HS3ST4: variants seen among roughly 807,000 people sequenced by gnomAD.
The protein encoded by HS3ST4 is heparan sulfate-glucosamine 3-sulfotransferase 4.
HS3ST4 carries 17 observed loss-of-function variants against 29.2 expected under a neutral mutation model. That is an observed-to-expected ratio of 0.58 (90% CI 0.40 to 0.87). HS3ST4 has a LOEUF of 0.87. Ranked by LOEUF, HS3ST4 falls within the 40% of genes least tolerant of loss-of-function variation. The pLI, the probability that HS3ST4 is intolerant of heterozygous loss-of-function variation, is 0.00. For synonymous variants in HS3ST4, 314 were observed against 285.7 expected (o/e 1.10, Z -1.00); for missense variants, 627 against 634.5 (o/e 0.99, Z 0.13).
intron 1 of HS3ST4, among the ~76,000 whole-genome samples, chr16:25,884,874 C>T (rs796738010): frequency 4.6e-5 from 7 of 152,196 alleles, no homozygotes; most frequent in African/African-American, 1.4e-4. Flanking sequence ...TGCGCCCGGC[C>T]GAGGTTAAGT....
chr16:25,879,774 G>T (rs1052245888), intron 1 of HS3ST4, among the ~76,000 whole-genome samples: 2 of 152,116 alleles, frequency 1.3e-5, no homozygotes, highest in African/African-American at 4.8e-5. Flanking sequence ...CCCAAGACTG[G>T]GTAATTTATA....
intron 1 of HS3ST4, among the ~76,000 whole-genome samples, chr16:25,694,065 TTCTC>T (rs1966275925): frequency 1.3e-5 from 2 of 152,246 alleles, no homozygotes; most frequent in Admixed American, 6.5e-5. Flanking sequence ...TTGTTTCTCT[TTCTC>T]TCTTTCCTCC....
At chr16:26,105,376 A>G (rs1478733198) in intron 1 of HS3ST4, among the ~76,000 whole-genome samples, 2 of 152,208 alleles carry the variant, frequency 1.3e-5, no homozygotes, top group East Asian at 1.9e-4. Flanking sequence ...AGGATTGAAA[A>G]AAACTAAAAT....
At chr16:25,769,458 G>A (rs1328451230) in intron 1 of HS3ST4, among the ~76,000 whole-genome samples, 2 of 152,172 alleles carry the variant, frequency 1.3e-5, no homozygotes, top group Non-Finnish European at 2.9e-5. Flanking sequence ...AGGGCCCTTT[G>A]AGTGGCTGTC....
At chr16:25,750,553 T>TGGCTC (rs1199846518) in intron 1 of HS3ST4, among the ~76,000 whole-genome samples, 1 of 152,250 alleles carries the variant, frequency 6.6e-6, no homozygotes, top group Non-Finnish European at 1.5e-5. Context: ...GAGTACAGTG[T>TGGCTC]GGCTCTTGAA....
At chr16:26,125,715 T>G (rs1326446544) in intron 1 of HS3ST4, among the ~76,000 whole-genome samples, 4 of 152,232 alleles carry the variant, frequency 2.6e-5, no homozygotes, top group African/African-American at 7.2e-5. Flanking sequence ...CACTGTCTTC[T>G]TGTTCATCCA....
chr16:25,763,348 G>A (rs1966800184), intron 1 of HS3ST4, among the ~76,000 whole-genome samples: 1 of 152,162 alleles, frequency 6.6e-6, no homozygotes, highest in South Asian at 2.1e-4. Context: ...CCACCTGATG[G>A]CTGTCTCCCA....
chr16:26,010,651 A>T (rs1969302194), intron 1 of HS3ST4, among the ~76,000 whole-genome samples: 1 of 152,114 alleles, frequency 6.6e-6, no homozygotes, highest in Non-Finnish European at 1.5e-5. Flanking sequence ...AATAAATGCA[A>T]AGTTATCAAA....
At chr16:25,979,334 C>T (rs762129749) in intron 1 of HS3ST4, among the ~76,000 whole-genome samples, 4 of 152,168 alleles carry the variant, frequency 2.6e-5, no homozygotes, top group Non-Finnish European at 5.9e-5. Flanking sequence ...TGTTAGGAGC[C>T]GGGCCACACC....
At chr16:25,775,104 C>T (rs1966846405) in intron 1 of HS3ST4, among the ~76,000 whole-genome samples, 1 of 152,178 alleles carries the variant, frequency 6.6e-6, no homozygotes, top group Admixed American at 6.5e-5. Flanking sequence ...CAGATTGATC[C>T]ATCAAGGATT....
At chr16:26,003,015 C>T (rs1969226077) in intron 1 of HS3ST4, among the ~76,000 whole-genome samples, 1 of 151,436 alleles carries the variant, frequency 6.6e-6, no homozygotes, top group South Asian at 2.1e-4. Flanking sequence ...CTGCCTTATC[C>T]TCAAATAGTT....
chr16:26,104,202 C>T (rs1237188373), intron 1 of HS3ST4, among the ~76,000 whole-genome samples: 1 of 152,138 alleles, frequency 6.6e-6, no homozygotes, highest in African/African-American at 2.4e-5. Flanking sequence ...TCCTCTGGTA[C>T]TACTAACCAG....
At chr16:25,992,144 C>G (rs951302266) in intron 1 of HS3ST4, among the ~76,000 whole-genome samples, 9 of 152,186 alleles carry the variant, frequency 5.9e-5, no homozygotes, top group African/African-American at 2.2e-4. Context: ...CATTCCCTGT[C>G]CTCATGGAGT....
chr16:25,733,857 G>A (rs891307238), intron 1 of HS3ST4, among the ~76,000 whole-genome samples: 1 of 152,160 alleles, frequency 6.6e-6, no homozygotes, highest in Non-Finnish European at 1.5e-5. Flanking sequence ...AGTGGCTCAC[G>A]CCTGTAATCT....
intron 1 of HS3ST4, among the ~76,000 whole-genome samples, chr16:26,103,517 A>G (rs1415554217): frequency 4.6e-5 from 7 of 152,102 alleles, no homozygotes; most frequent in Non-Finnish European, 8.8e-5. Flanking sequence ...TACCCTGGCT[A>G]TTTGGTTAGG....
chr16:25,845,487 C>T (rs12444937), intron 1 of HS3ST4, among the ~76,000 whole-genome samples: 42,200 of 151,710 alleles, frequency 0.28, 6,517 homozygotes, highest in Admixed American at 0.34. Flanking sequence ...TCAGCCTGGG[C>T]GACAGAGCGA....
chr16:25,710,218 G>A (rs138577737), intron 1 of HS3ST4, among the ~76,000 whole-genome samples: 1 of 152,274 alleles, frequency 6.6e-6, no homozygotes, highest in African/African-American at 2.4e-5. Context: ...AAAAATATAT[G>A]TATATCTGTC....
chr16:25,829,242 G>A (rs924525572), intron 1 of HS3ST4, among the ~76,000 whole-genome samples: 1 of 152,192 alleles, frequency 6.6e-6, no homozygotes, highest in African/African-American at 2.4e-5. Flanking sequence ...ACTGTATGAA[G>A]GAGCAGAGGA....
intron 1 of HS3ST4, among the ~76,000 whole-genome samples, chr16:25,873,732 C>G (rs1967796347): frequency 6.6e-6 from 1 of 151,868 alleles, no homozygotes; most frequent in African/African-American, 2.4e-5. Flanking sequence ...ATCCATCCAG[C>G]TAGCAAGCCA....
Sources: allele counts gnomAD v4.1 joint callset (sites outside exome capture counted in the v4.1 genomes callset), GRCh38; gene constraint gnomAD v4.1.1; transcripts MANE v1.5; gene names NCBI Gene and HGNC (gene_info 2026-07-23, HGNC 2026-07-21).